The following TXNDC9 variants were observed in gnomAD, a reference collection of about 807,000 sequenced individuals.
The protein encoded by TXNDC9 is thioredoxin domain-containing protein 9.
TXNDC9 carries 7 observed loss-of-function variants against 23.0 expected under a neutral mutation model. That is an observed-to-expected ratio of 0.30 (90% CI 0.17 to 0.57). TXNDC9 has a LOEUF of 0.57. Among genes scored for constraint, TXNDC9 ranks in the 20% least tolerant of loss-of-function variants. The pLI is 0.90. For missense variants in TXNDC9, 198 were observed against 252.6 expected (o/e 0.78, Z 1.47); for synonymous variants, 72 against 90.6 (o/e 0.79, Z 1.17).
chr2:99,325,713 T>TA (rs538644173), intron 3 of TXNDC9, among the ~76,000 whole-genome samples: 2 of 151,710 alleles, frequency 1.3e-5, no homozygotes, highest in Non-Finnish European at 2.9e-5. Context: ...GGGAAAGACA[T>TA]AAAAAAAACA....
At chr2:99,333,601 T>C (rs2094231174) in intron 1 of TXNDC9, among the ~76,000 whole-genome samples, 1 of 152,090 alleles carries the variant, frequency 6.6e-6, no homozygotes, top group South Asian at 2.1e-4. Context: ...TCTTTACCAA[T>C]GGGAAAGAGA....
At chr2:99,308,824 GC>G in the TXNDC9 span, among the ~76,000 whole-genome samples, 1 of 151,736 alleles carries the variant, frequency 6.6e-6, no homozygotes, top group East Asian at 1.9e-4. Flanking sequence ...CCATTCTCCT[GC>G]CTCAGCCTCC....
chr2:99,306,993 C>G, the TXNDC9 span, among the ~76,000 whole-genome samples: 1 of 150,058 alleles, frequency 6.7e-6, no homozygotes, highest in East Asian at 2.0e-4. Flanking sequence ...TTCTGACACA[C>G]CAAGTTCAAT....
chr2:99,310,114 C>A, the TXNDC9 span, among the ~76,000 whole-genome samples: 1 of 152,190 alleles, frequency 6.6e-6, no homozygotes, highest in Non-Finnish European at 1.5e-5. Flanking sequence ...AATAGTAGCA[C>A]AACTAACTCA....
intron 3 of TXNDC9, among the ~76,000 whole-genome samples, chr2:99,323,803 G>C (rs1411562693): frequency 6.6e-6 from 1 of 152,112 alleles, no homozygotes; most frequent in Non-Finnish European, 1.5e-5. Flanking sequence ...CAATCTTTTA[G>C]ACCGGTGGTT....
intron 4 of TXNDC9, among the ~76,000 whole-genome samples, chr2:99,320,310 T>G (rs1175668842): frequency 6.6e-6 from 1 of 152,220 alleles, no homozygotes; most frequent in African/African-American, 2.4e-5. Context: ...ACCAGACCTA[T>G]TTTCCTTTTT....
chr2:99,321,839 A>G, intron 4 of TXNDC9, 116 bp downstream of exon 4: 4 of 1,190,686 alleles, frequency 3.4e-6, no homozygotes, highest in Non-Finnish European at 3.4e-6. Context: ...GAAACTTTCC[A>G]CATCTCAGCC....
At chr2:99,330,077 G>A (rs2094221245) in intron 2 of TXNDC9, among the ~76,000 whole-genome samples, 5 of 151,816 alleles carry the variant, frequency 3.3e-5, no homozygotes, top group Admixed American at 3.3e-4. Flanking sequence ...ATCACCTGAG[G>A]TCAGGAGTTC....
downstream of TXNDC9, among the ~76,000 whole-genome samples, chr2:99,315,718 T>G (rs2094187710): frequency 6.6e-6 from 1 of 152,250 alleles, no homozygotes; most frequent in Non-Finnish European, 1.5e-5. Context: ...CAATATTTAC[T>G]TGTCCCAAAA....
downstream of TXNDC9, among the ~76,000 whole-genome samples, chr2:99,317,760 G>A (rs190810748): frequency 2.6e-5 from 4 of 152,062 alleles, no homozygotes; most frequent in African/African-American, 9.6e-5. Context: ...TTACAGGCAT[G>A]AGCCACCACA....
At chr2:99,327,770 G>GT (rs1017030015) in intron 2 of TXNDC9, 117 bp from the exon 3 acceptor site, 12,913 of 454,734 alleles carry the variant, frequency 0.028, 3 homozygotes, top group East Asian at 0.035. Flanking sequence ...AAAAAAAAAA[G>GT]TTTTTTTTTT....
chr2:99,331,527 GAAAGAAAAGAA>G (rs1251109842), intron 2 of TXNDC9, among the ~76,000 whole-genome samples: 1 of 145,854 alleles, frequency 6.9e-6, no homozygotes, highest in Non-Finnish European at 1.5e-5. Flanking sequence ...AAAAAAAAAA[GAAAGAAAAGAA>G]AAAGAAAAGC....
chr2:99,317,003 G>A (rs1437725239), downstream of TXNDC9, among the ~76,000 whole-genome samples: 1 of 152,086 alleles, frequency 6.6e-6, no homozygotes, highest in Non-Finnish European at 1.5e-5. Context: ...TGATCCGCCC[G>A]CCTTGGCCTC....
At chr2:99,313,397 A>G in the TXNDC9 span, among the ~76,000 whole-genome samples, 17 of 152,050 alleles carry the variant, frequency 1.1e-4, no homozygotes, top group Non-Finnish European at 1.6e-4. Flanking sequence ...TTCCCTAGAC[A>G]TTTAGAATAT....
At chr2:99,318,019 T>C (rs562250149), downstream of TXNDC9, among the ~76,000 whole-genome samples, 25 of 152,226 alleles carry the variant, frequency 1.6e-4, no homozygotes, top group Middle Eastern at 3.2e-3. Flanking sequence ...GCCTCCTGAA[T>C]AGCTGGAATT....
At chr2:99,325,068 A>G (rs1377619292) in intron 3 of TXNDC9, among the ~76,000 whole-genome samples, 1 of 152,214 alleles carries the variant, frequency 6.6e-6, no homozygotes, top group Non-Finnish European at 1.5e-5. Flanking sequence ...TAAAAATCCA[A>G]AACAACAGTC....
At chr2:99,331,636 CACTT>C (rs2094225807) in intron 2 of TXNDC9, among the ~76,000 whole-genome samples, 1 of 152,104 alleles carries the variant, frequency 6.6e-6, no homozygotes, top group African/African-American at 2.4e-5. Context: ...AATTTGGACT[CACTT>C]ATAAAAGATT....
At chr2:99,325,868 G>A (rs1018579731) in intron 3 of TXNDC9, among the ~76,000 whole-genome samples, 13 of 152,058 alleles carry the variant, frequency 8.5e-5, no homozygotes, top group African/African-American at 2.7e-4. Context: ...AAAGTTAGCC[G>A]GGTGTAGTGG....
In TXNDC9 at chr2:99,319,783, G is replaced by A. The variant is rs778208063; in HGVS notation, c.580C>T (p.Pro194Ser). 1 of 1,575,186 alleles carries A rather than the reference G, an allele frequency of 6.3e-7. No individual in the cohort carries two copies. Among genetic ancestry groups the A allele is most frequent in the South Asian group, 1.2e-5 (1 of 83,590 alleles). The change falls in exon 5 of 5, where the codon CCA (proline) becomes TCA (serine). Residue 194 changes from proline (P) to serine (S), a missense_variant. Physicochemically the swap from Pro to Ser is moderately conservative, Grantham distance 74. Transcript: ENST00000264255. Reference protein sequence around the residue: ...ILNYSGNLMEPPFQNQKKFGT... With the variant: ...ILNYSGNLMESPFQNQKKFGT... ...AATTTCTTTTGGTTCTGAAATGGTG[G>A]CTCCATTAAATTTCCACTTAAAAAA... is the stretch of plus-strand genomic sequence containing the variant.
Sources: allele counts gnomAD v4.1 joint callset (sites outside exome capture counted in the v4.1 genomes callset), GRCh38; gene constraint gnomAD v4.1.1; transcripts MANE v1.5; gene names NCBI Gene and HGNC (gene_info 2026-07-23, HGNC 2026-07-21).